Variants in SESN1 observed in about 807,000 individuals in gnomAD.
SESN1 encodes the protein sestrin 1.
Under a neutral mutation model 59.3 loss-of-function variants are expected in SESN1, and 30 were observed. That is an observed-to-expected ratio of 0.51 (90% CI 0.38 to 0.69). The LOEUF (loss-of-function observed/expected upper bound fraction) is 0.69, where lower values mean the gene tolerates loss of function less well. Among genes scored for constraint, SESN1 ranks in the 30% least tolerant of loss-of-function variants. The probability of loss-of-function intolerance (pLI) is 0.00; values close to 1 mark genes in which losing one functional copy is unlikely to be tolerated. For missense variants in SESN1, 566 were observed against 673.0 expected (o/e 0.84, Z 1.76); for synonymous variants, 197 against 219.9 (o/e 0.90, Z 0.92).
chr6:108,998,790 A>G (rs780852082), intron 4 of SESN1, 35 bp from the exon 5 acceptor site: 3 of 1,580,098 alleles, frequency 1.9e-6, no homozygotes, highest in Non-Finnish European at 2.6e-6. Flanking sequence ...ATATTTTTGT[A>G]CTGGGGTGTG....
chr6:109,014,348 A>C (rs781452662), intron 1 of SESN1, among the ~76,000 whole-genome samples: 1 of 152,214 alleles, frequency 6.6e-6, no homozygotes, highest in Non-Finnish European at 1.5e-5. Context: ...AAGCAGATGT[A>C]ATTATTTTTA....
intron 1 of SESN1, among the ~76,000 whole-genome samples, chr6:109,074,289 T>C (rs527515621): frequency 6.9e-6 from 1 of 145,096 alleles, no homozygotes; most frequent in Non-Finnish European, 1.5e-5. Flanking sequence ...TGTATATATG[T>C]GTGTATATAT....
rs372387619 is a variant in SESN1, at chr6:109,010,355, TTC to T, written c.280-8014_280-8013del. ...AGTACTATTTCTTTACATAACTCTA[TTC>T]TCTCTCTTTAAAAGAAACAAATTCC... On this transcript the variant is annotated intron_variant, in intron 1 of 9. Coordinates refer to ENST00000436639, the MANE Select transcript of SESN1 (RefSeq NM_014454.3). Among the ~76,000 whole-genome samples, 68 of 152,328 alleles carry T rather than the reference TTC, an allele frequency of 4.5e-4. No homozygotes were observed. The East Asian group carries it at 9.3e-3, about 21-fold the overall frequency.
At chr6:109,074,173 T>G (rs1240063476) in intron 1 of SESN1, among the ~76,000 whole-genome samples, 3 of 152,234 alleles carry the variant, frequency 2.0e-5, no homozygotes, top group Non-Finnish European at 2.9e-5. Context: ...TGTAGTAGGC[T>G]ATACCATCTA....
intron 1 of SESN1, among the ~76,000 whole-genome samples, chr6:109,043,653 T>C (rs1192176523): frequency 6.6e-6 from 1 of 152,122 alleles, no homozygotes; most frequent in African/African-American, 2.4e-5. Context: ...AAAATATGTA[T>C]AGACTCTATA....
At chr6:109,059,254 C>T (rs1289373715) in intron 1 of SESN1, among the ~76,000 whole-genome samples, 1 of 151,964 alleles carries the variant, frequency 6.6e-6, no homozygotes, top group Non-Finnish European at 1.5e-5. Context: ...GAGTACATTC[C>T]TGGATTCTAA....
At chr6:109,070,347 T>G (rs1329638694) in intron 1 of SESN1, among the ~76,000 whole-genome samples, 2 of 152,212 alleles carry the variant, frequency 1.3e-5, no homozygotes, top group African/African-American at 4.8e-5. Flanking sequence ...GAGCCAGCTC[T>G]CTGGGCCTAC....
At chr6:109,081,289 C>T (rs531567518) in intron 1 of SESN1, among the ~76,000 whole-genome samples, 6 of 152,220 alleles carry the variant, frequency 3.9e-5, no homozygotes, top group South Asian at 4.1e-4. Context: ...CTATGTTGCC[C>T]AAGCAGGTGT....
intron 1 of SESN1, among the ~76,000 whole-genome samples, chr6:109,062,610 AAGAG>A (rs1780750516): frequency 6.6e-6 from 1 of 152,220 alleles, no homozygotes; most frequent in Admixed American, 6.5e-5. Flanking sequence ...GTGCGTGTGA[AAGAG>A]AGAGACACAG....
Position 109,000,777 on chromosome 6 carries a change from T to C in SESN1, c.547-104A>G, listed in dbSNP as rs1779604435. 16 of 977,968 alleles carry C rather than the reference T, an allele frequency of 1.6e-5. No individual in the cohort carries two copies. The South Asian group carries it at 6.2e-4, about 38-fold the overall frequency. The allele number at this position is 977,968 out of a possible 1,614,324, so 60.6% of individuals were successfully genotyped here. ...GAGCTAATTAAGTTTATTAGTATGT[T>C]TTCAAATTTTCCGTAAACTACAGAA... On this transcript the variant is annotated intron_variant, in intron 3 of 9. Coordinates refer to ENST00000436639, the MANE Select transcript of SESN1 (RefSeq NM_014454.3).
At chr6:109,044,024 C>T (rs770429346) in intron 1 of SESN1, among the ~76,000 whole-genome samples, 3 of 151,930 alleles carry the variant, frequency 2.0e-5, no homozygotes, top group Non-Finnish European at 2.9e-5. Flanking sequence ...TTATTGTTAA[C>T]AAAGAAGTGG....
At chr6:109,046,062 C>T (rs2114427378) in intron 1 of SESN1, among the ~76,000 whole-genome samples, 1 of 152,278 alleles carries the variant, frequency 6.6e-6, no homozygotes, top group South Asian at 2.1e-4. Flanking sequence ...TATTTACAAG[C>T]TTAAAAAAAT....
intron 8 of SESN1, among the ~76,000 whole-genome samples, chr6:108,989,393 C>CTA (rs1779294957): frequency 6.6e-6 from 1 of 151,598 alleles, no homozygotes; most frequent in Admixed American, 6.6e-5. Flanking sequence ...TTCTCTCTCT[C>CTA]TATATATAGA....
chr6:109,084,672 C>A (rs1221493906), intron 1 of SESN1, among the ~76,000 whole-genome samples: 2 of 152,088 alleles, frequency 1.3e-5, no homozygotes, highest in African/African-American at 4.8e-5. Flanking sequence ...AAGAAGACCT[C>A]TAACTTTTAA....
chr6:108,985,686 A>C lies in SESN1; in HGVS notation c.*1858T>G, dbSNP rs980587975. On this transcript the variant is annotated 3_prime_UTR_variant, in exon 10 of 10. Coordinates refer to ENST00000436639, the MANE Select transcript of SESN1 (RefSeq NM_014454.3). Reference sequence around the variant, plus strand: ...TGTGATCACTCTACTGCTGATTAGAATCTCTACTAGAAATTTTGTATTTTC... The same window carrying C: ...TGTGATCACTCTACTGCTGATTAGACTCTCTACTAGAAATTTTGTATTTTC... Among the ~76,000 whole-genome samples, 1 of 152,190 alleles carries C rather than the reference A, an allele frequency of 6.6e-6. No individual in the cohort carries two copies. Among genetic ancestry groups the C allele is most frequent in the African/African-American group, 2.4e-5 (1 of 41,450 alleles).
At chr6:109,005,282 T>C (rs891603480) in intron 1 of SESN1, among the ~76,000 whole-genome samples, 2 of 152,174 alleles carry the variant, frequency 1.3e-5, no homozygotes, top group African/African-American at 4.8e-5. Context: ...TTAAAAGCTC[T>C]TCAAGTTATA....
At chr6:109,043,212 A>G (rs1780368230) in intron 1 of SESN1, among the ~76,000 whole-genome samples, 1 of 152,178 alleles carries the variant, frequency 6.6e-6, no homozygotes, top group Non-Finnish European at 1.5e-5. Flanking sequence ...AAAAACTTCT[A>G]CAAAAACCTA....
intron 5 of SESN1, among the ~76,000 whole-genome samples, chr6:108,995,610 T>A (rs1289536510): frequency 6.6e-6 from 1 of 152,176 alleles, no homozygotes; most frequent in East Asian, 1.9e-4. Flanking sequence ...ACCTTTCTTA[T>A]AAAATGAATA....
intron 1 of SESN1, among the ~76,000 whole-genome samples, chr6:109,007,510 T>C (rs924362983): frequency 1.1e-4 from 17 of 152,202 alleles, no homozygotes; most frequent in African/African-American, 3.9e-4. Context: ...AGTAATTTTA[T>C]TTTTTAAATT....
Sources: gnomAD v4.1 joint callset for allele counts (sites outside exome capture counted in the v4.1 genomes callset) on GRCh38, gnomAD v4.1.1 for gene constraint, MANE v1.5 for transcripts, NCBI Gene and HGNC (gene_info 2026-07-23, HGNC 2026-07-21) for gene names.